CHD9: variants seen among roughly 807,000 people sequenced by gnomAD.
The protein encoded by CHD9 is ATP-dependent chromatin remodeler CHD9.
In CHD9, 77 loss-of-function variants were observed where a neutral mutation model predicts 316.1. That is an observed-to-expected ratio of 0.24 (90% CI 0.20 to 0.29). The LOEUF (loss-of-function observed/expected upper bound fraction) is 0.29, where lower values mean the gene tolerates loss of function less well. Ranked by LOEUF, CHD9 falls within the 10% of genes least tolerant of loss-of-function variation. The pLI is 1.00. For missense variants in CHD9, 2,763 were observed against 3,438.1 expected, an observed-to-expected ratio of 0.80 and a Z score of 4.91; for synonymous variants, 1,129 against 1,158.3, an observed-to-expected ratio of 0.97 and a Z score of 0.51.
intron 1 of CHD9, among the ~76,000 whole-genome samples, chr16:53,103,213 A>T (rs796863374): frequency 9.3e-5 from 14 of 150,530 alleles, no homozygotes; most frequent in African/African-American, 3.4e-4. Context: ...TTTTCTTTAA[A>T]AAAGAGATGG....
intron 2 of CHD9, among the ~76,000 whole-genome samples, chr16:53,169,896 G>A (rs1327440019): frequency 6.6e-6 from 1 of 152,108 alleles, no homozygotes; most frequent in African/African-American, 2.4e-5. Flanking sequence ...ACATTTAGTT[G>A]TTATGTCTCT....
intron 5 of CHD9, 128 bp from the exon 6 acceptor site, chr16:53,227,268 A>C (rs749926081): frequency 1.7e-5 from 10 of 603,438 alleles, no homozygotes; most frequent in Non-Finnish European, 2.6e-5. Context: ...CTAACACGTA[A>C]CATAGTGTCT....
At chr16:53,209,883 A>G (rs892641810) in intron 3 of CHD9, 70 bp downstream of exon 3, 2 of 1,119,412 alleles carry the variant, frequency 1.8e-6, no homozygotes, top group South Asian at 3.3e-5. Context: ...CCAACCATCT[A>G]CTTTTGATTT....
intron 2 of CHD9, among the ~76,000 whole-genome samples, chr16:53,180,811 G>A (rs1052973700): frequency 1.3e-5 from 2 of 151,662 alleles, no homozygotes; most frequent in African/African-American, 4.8e-5. Context: ...TATTAGCTGG[G>A]ACTACAGGCG....
chr16:53,291,535 C>T (rs546230693), intron 27 of CHD9, among the ~76,000 whole-genome samples, 190 bp from the exon 28 acceptor site: 2 of 152,186 alleles, frequency 1.3e-5, no homozygotes, highest in Non-Finnish European at 2.9e-5. Context: ...TTGTCAAAAG[C>T]AATAGAGAAG....
intron 1 of CHD9, among the ~76,000 whole-genome samples, chr16:53,065,967 A>T (rs749057138): frequency 7.9e-5 from 12 of 152,184 alleles, no homozygotes; most frequent in Non-Finnish European, 1.0e-4. Flanking sequence ...TCTGCAAATC[A>T]GTAATCACAG....
chr16:53,255,541 C>T (rs1047500263), intron 18 of CHD9, 59 bp from the exon 19 acceptor site: 2 of 1,493,410 alleles, frequency 1.3e-6, no homozygotes, highest in Non-Finnish European at 1.8e-6. Flanking sequence ...TTTAGGGATA[C>T]TTTCTCACTT....
chr16:53,245,934 G>C lies in CHD9; in HGVS notation c.3454+84G>C. ...ATAAACAGAACACACTACAGCTGTAGTGGCTGTTATGACTCTCCACTGTGA... is the reference window on the plus strand; with the variant it reads ...ATAAACAGAACACACTACAGCTGTACTGGCTGTTATGACTCTCCACTGTGA... On this transcript the variant is annotated intron_variant, in intron 15 of 38. Transcript: ENST00000447540. This position sits in a 1 kb window ranked among gnomAD's most constrained non-coding sequence, Gnocchi z 4.1. 1 of 995,098 alleles carries C rather than the reference G, an allele frequency of 1.0e-6. No individual in the cohort carries two copies. The highest frequency in any genetic ancestry group is 1.4e-6 in the Non-Finnish European group (1 of 721,730). The allele number at this position is 995,098 out of a possible 1,614,324, so 61.6% of individuals were successfully genotyped here. A position where few individuals can be genotyped will look rare whatever the true frequency, so the allele number is the denominator to read the frequency against.
intron 1 of CHD9, among the ~76,000 whole-genome samples, chr16:53,102,210 G>T (rs2036941349): frequency 6.6e-6 from 1 of 152,102 alleles, no homozygotes; most frequent in Admixed American, 6.6e-5. Flanking sequence ...GGCCTTGGTA[G>T]GAGTCACTTC....
At chr16:53,129,474 G>A (rs1225526598) in intron 1 of CHD9, among the ~76,000 whole-genome samples, 5 of 152,238 alleles carry the variant, frequency 3.3e-5, no homozygotes, top group African/African-American at 7.2e-5. Flanking sequence ...AGCCCTGTCA[G>A]TATCTCAGCT....
At chr16:53,155,235 T>G (rs1002988031) in intron 1 of CHD9, among the ~76,000 whole-genome samples, 6 of 152,130 alleles carry the variant, frequency 3.9e-5, no homozygotes, top group Non-Finnish European at 7.4e-5. Context: ...GTTTTGTTTT[T>G]TTTTTGAGAC....
chr16:53,222,570 T>C, intron 3 of CHD9, 74 bp from the exon 4 acceptor site: 1 of 710,564 alleles, frequency 1.4e-6, no homozygotes, highest in Non-Finnish European at 2.4e-6. Context: ...AAGTTTATCA[T>C]GACAATCTTA....
chr16:53,161,072 G>A (rs535016404), intron 2 of CHD9, among the ~76,000 whole-genome samples: 1 of 152,108 alleles, frequency 6.6e-6, no homozygotes, highest in East Asian at 1.9e-4. Flanking sequence ...GGGTAATAGT[G>A]AGACCCTGTC....
At chr16:53,067,180 C>T (rs2152507717) in intron 1 of CHD9, among the ~76,000 whole-genome samples, 1 of 152,284 alleles carries the variant, frequency 6.6e-6, no homozygotes, top group East Asian at 1.9e-4. Context: ...CGGGCTCATG[C>T]AGTCTGCCTG....
At chr16:53,274,810 T>A (rs1296377791) in intron 24 of CHD9, among the ~76,000 whole-genome samples, 1 of 152,116 alleles carries the variant, frequency 6.6e-6, no homozygotes, top group Non-Finnish European at 1.5e-5. Context: ...ATGACCAGAA[T>A]ATTGTATGTT....
intron 2 of CHD9, among the ~76,000 whole-genome samples, chr16:53,185,540 A>C (rs187064922): frequency 3.3e-4 from 51 of 152,264 alleles, no homozygotes; most frequent in African/African-American, 1.2e-3. Context: ...TTCTGGGGAG[A>C]AATTTGAGCC....
In CHD9 at chr16:53,156,308, AT is replaced by A. The variant is rs750775875; in HGVS notation, c.222del (p.Phe74LeufsTer4). 1 of 1,613,976 alleles carries A rather than the reference AT, an allele frequency of 6.2e-7. No individual in the cohort carries two copies. The highest frequency in any genetic ancestry group is 8.5e-7 in the Non-Finnish European group (1 of 1,179,860). ...TGACTGATTTTGAACAGTTAAATCA[AT>A]TTGATTCAATAAAATTTCACCATGT... ...KMTDFEQLNQ[F>X]DSIKFHHVNQ... On this transcript the variant is annotated frameshift_variant, in exon 2 of 39. Transcript: ENST00000447540. LOFTEE classifies it high-confidence loss of function.
chr16:53,076,553 T>G (rs1232905871), intron 1 of CHD9, among the ~76,000 whole-genome samples: 1 of 151,530 alleles, frequency 6.6e-6, no homozygotes, highest in Non-Finnish European at 1.5e-5. Context: ...CCAGCCTGGA[T>G]GACAAGAGTG....
intron 18 of CHD9, 78 bp downstream of exon 18, chr16:53,254,683 G>T: frequency 1.5e-6 from 2 of 1,366,668 alleles, no homozygotes; most frequent in Non-Finnish European, 2.0e-6. Context: ...GTGTCATTTA[G>T]TTTTGGTCCA....
Sources: gnomAD v4.1 joint callset for allele counts (sites outside exome capture counted in the v4.1 genomes callset) on GRCh38, gnomAD v4.1.1 for gene constraint, Gnocchi (gnomAD v3.1) non-coding constraint, MANE v1.5 for transcripts, NCBI Gene and HGNC (gene_info 2026-07-23, HGNC 2026-07-21) for gene names.